ULK2: variants seen among roughly 807,000 people sequenced by gnomAD.
ULK2 encodes serine/threonine-protein kinase ULK2.
ULK2 carries 76 observed loss-of-function variants against 127.5 expected under a neutral mutation model. The observed-to-expected ratio is 0.60, with a 90% CI of 0.50 to 0.72. The LOEUF is 0.72. Among genes scored for constraint, ULK2 ranks in the 30% least tolerant of loss-of-function variants. ULK2 has a pLI of 0.00. For missense variants in ULK2, 1,144 were observed against 1,295.9 expected (o/e 0.88, Z 1.80); for synonymous variants, 452 against 461.9 (o/e 0.98, Z 0.28).
rs772079997 is a variant in ULK2 at position 19,843,162 on chromosome 17, T to C, written c.604A>G (p.Thr202Ala). The C allele has an allele frequency of 1.2e-6, 2 of 1,610,164 alleles. No individual in the cohort carries two copies. Among genetic ancestry groups the C allele is most frequent in the Non-Finnish European group, 1.7e-6 (2 of 1,178,996 alleles). ...DAKADLWSIG[T>A]VIYQCLVGKP... ...CCAACTAGGCATTGGTATATCACTGTTCCTATGCTCCACAAGTCAGCCTTA... is the reference window on the plus strand; with the variant it reads ...CCAACTAGGCATTGGTATATCACTGCTCCTATGCTCCACAAGTCAGCCTTA... Residue 202 changes from threonine to alanine, a missense_variant, in exon 8 of 27, where the codon ACA (threonine) becomes GCA (alanine). Physicochemically the swap from Thr to Ala is moderately conservative, Grantham distance 58. This residue lies in a region of ULK2 where 231 missense variants were observed against 325.4 expected (regional missense o/e 0.71). Coordinates refer to ENST00000395544, the MANE Select transcript of ULK2 (RefSeq NM_014683.4).
intron 21 of ULK2, among the ~76,000 whole-genome samples, chr17:19,784,513 C>CTTT (rs563736244): frequency 4.4e-5 from 2 of 45,060 alleles, no homozygotes; most frequent in Non-Finnish European, 3.7e-5. Flanking sequence ...GGACATGATA[C>CTTT]TTTTTTTTTT....
chr17:19,841,055 A>G (rs1012415342), intron 9 of ULK2, among the ~76,000 whole-genome samples: 1 of 152,158 alleles, frequency 6.6e-6, no homozygotes, highest in Non-Finnish European at 1.5e-5. Flanking sequence ...ACAAGCACTC[A>G]TCTCAAGATA....
rs528937198 is a variant in ULK2 at position 19,802,045 on chromosome 17, G to A, written c.1296-123C>T. On this transcript the variant is annotated intron_variant, in intron 15 of 26. Coordinates refer to ENST00000395544, the MANE Select transcript of ULK2 (RefSeq NM_014683.4). Reference sequence around the variant, plus strand: ...TCAAAAATATGTAATACAGTCACATGGAACAATTATAAGATGCATAAAAAG... The same window carrying A: ...TCAAAAATATGTAATACAGTCACATAGAACAATTATAAGATGCATAAAAAG... The A allele has an allele frequency of 1.4e-4, 157 of 1,094,676 alleles. 1 individual carries two copies. In the African/African-American group the frequency reaches 2.4e-3, roughly 17 times the overall value. 67.8% of individuals were successfully genotyped at this position (1,094,676 alleles called of 1,614,324 possible). A position where few individuals can be genotyped will look rare whatever the true frequency, so the allele number is the denominator to read the frequency against.
At chr17:19,783,102 T>A (rs980467727) in intron 22 of ULK2, among the ~76,000 whole-genome samples, 3 of 152,198 alleles carry the variant, frequency 2.0e-5, no homozygotes, top group Non-Finnish European at 4.4e-5. Flanking sequence ...GCCAATTGAC[T>A]TCTAAAAGTC....
chr17:19,852,940 G>A (rs563002526), intron 3 of ULK2, among the ~76,000 whole-genome samples: 7 of 151,964 alleles, frequency 4.6e-5, no homozygotes, highest in Admixed American at 1.3e-4. Context: ...GTGAGCCACC[G>A]TGCACGGCCA....
At chr17:19,855,075 T>C (rs932227600) in intron 3 of ULK2, among the ~76,000 whole-genome samples, 1 of 114,644 alleles carries the variant, frequency 8.7e-6, no homozygotes, top group African/African-American at 3.4e-5. Flanking sequence ...ACTCCAGACT[T>C]GGCAAAAGAA....
intron 5 of ULK2, 90 bp downstream of exon 5, chr17:19,849,278 GA>G: frequency 8.8e-7 from 1 of 1,141,846 alleles, no homozygotes; most frequent in Admixed American, 2.2e-5. Flanking sequence ...TACAAGAGCA[GA>G]AAATGGGTAG....
At chr17:19,867,295 C>A in intron 1 of ULK2, 33 bp downstream of exon 1, 1 of 1,515,308 alleles carries the variant, frequency 6.6e-7, no homozygotes, top group Non-Finnish European at 8.8e-7. Flanking sequence ...TGCCTGCCGC[C>A]CGGGGCCCGG....
chr17:19,852,448 G>A (rs777735259), intron 3 of ULK2, among the ~76,000 whole-genome samples: 4 of 145,660 alleles, frequency 2.7e-5, no homozygotes, highest in Non-Finnish European at 6.0e-5. Context: ...GTGAACCCAG[G>A]AGGCAGAGCT....
chr17:19,850,880 T>C (rs2152399685), intron 3 of ULK2, among the ~76,000 whole-genome samples: 1 of 152,092 alleles, frequency 6.6e-6, no homozygotes, highest in South Asian at 2.1e-4. Context: ...TATCTATATC[T>C]AGATATATAG....
intron 15 of ULK2, 68 bp from the exon 16 acceptor site, chr17:19,801,990 A>C: frequency 2.0e-6 from 3 of 1,503,990 alleles, no homozygotes; most frequent in Non-Finnish European, 2.7e-6. Flanking sequence ...ATTTTCTGAA[A>C]CTTCCTAACA....
intron 16 of ULK2, 44 bp from the exon 17 acceptor site, chr17:19,799,619 G>C: frequency 2.1e-6 from 3 of 1,435,802 alleles, no homozygotes; most frequent in Non-Finnish European, 2.7e-6. Flanking sequence ...GAAGAAAAAT[G>C]ATCAAAAACC....
Position 19,785,977 on chromosome 17 carries a change from G to T in ULK2, c.2211C>A (p.Pro737=). The T allele has an allele frequency of 6.3e-7, 1 of 1,596,258 alleles. No homozygotes were observed. The highest frequency in any genetic ancestry group is 8.5e-7 in the Non-Finnish European group (1 of 1,172,968). Residue 737 remains proline, a synonymous_variant, in exon 21 of 27, where the codon CCC becomes CCA. Transcript: ENST00000395544. ...VGSPPHSAAA[P]TCTHMFLRTR... ...TTCGAAGGAACATGTGGGTACAAGT[G>T]GGGGCTGCCGCACTGTGTGGAGGAG...
rs932170470 is a variant in ULK2, at chr17:19,849,494, G to A, written c.259-89C>T. ...CTCAATTGTGATTAAAAAATCATTTGTATATAATGTCATGTAAATATAGCC... is the reference window on the plus strand; with the variant it reads ...CTCAATTGTGATTAAAAAATCATTTATATATAATGTCATGTAAATATAGCC... On this transcript the variant is annotated intron_variant, in intron 4 of 26. Transcript: ENST00000395544. 5 of 1,295,918 alleles carry A rather than the reference G, an allele frequency of 3.9e-6. No homozygotes were observed. The African/African-American group carries it at 5.9e-5, about 15-fold the overall frequency. 80.3% of individuals were successfully genotyped at this position (1,295,918 alleles called of 1,614,324 possible).
In ULK2 at chr17:19,777,656, G is replaced by A. The variant is rs1407981766; in HGVS notation, c.2977C>T (p.His993Tyr). The change falls in exon 26 of 27, where the codon CAT becomes TAT. Residue 993 changes from histidine (H) to tyrosine (Y), a missense_variant. By Grantham distance (83) the His-to-Tyr change is moderately conservative (BLOSUM62 2). Transcript: ENST00000395544. ...QQTEDIVYRY[H>Y]KAALLLEGLS... ...CCTTCCAAAAGAAGGGCTGCCTTATGATAGCGATAAACAATATCTTCGGTC... is the reference window on the plus strand; with the variant it reads ...CCTTCCAAAAGAAGGGCTGCCTTATAATAGCGATAAACAATATCTTCGGTC... 6.2e-7 allele frequency: 1 copy of A among 1,614,156 alleles called. No homozygotes were observed. Among genetic ancestry groups the A allele is most frequent in the Non-Finnish European group, 8.5e-7 (1 of 1,180,026 alleles).
chr17:19,809,575 T>C (rs936573912), intron 14 of ULK2, among the ~76,000 whole-genome samples: 7 of 151,068 alleles, frequency 4.6e-5, no homozygotes, highest in Admixed American at 1.3e-4. Context: ...CTACTAAAGA[T>C]ACAAAAAATT....
intron 12 of ULK2, among the ~76,000 whole-genome samples, chr17:19,821,682 T>G (rs2041149001): frequency 6.6e-6 from 1 of 152,200 alleles, no homozygotes; most frequent in Admixed American, 6.5e-5. Flanking sequence ...CGTACTTTCC[T>G]TTTTTCCCCT....
chr17:19,810,784 G>T, intron 13 of ULK2: 1 of 191,074 alleles, frequency 5.2e-6, no homozygotes, highest in Non-Finnish European at 1.1e-5. Context: ...CAAAAGTTCT[G>T]AGAGTTGTGC....
chr17:19,865,413 A>G (rs1055569374), intron 2 of ULK2, among the ~76,000 whole-genome samples: 2 of 152,188 alleles, frequency 1.3e-5, no homozygotes, highest in Non-Finnish European at 2.9e-5. Context: ...TAGTAGTAAC[A>G]TGAAAGGGGA....
Sources: gnomAD v4.1 joint callset for allele counts (sites outside exome capture counted in the v4.1 genomes callset) on GRCh38, gnomAD v4.1.1 for gene constraint, gnomAD v4.1.1 regional missense constraint, MANE v1.5 for transcripts, NCBI Gene and HGNC (gene_info 2026-07-23, HGNC 2026-07-21) for gene names.